TENM3: variants seen among roughly 807,000 people sequenced by gnomAD.
TENM3 encodes teneurin transmembrane protein 3, also known as teneurin-3.
Under a neutral mutation model 255.1 loss-of-function variants are expected in TENM3, and 63 were observed. That is an observed-to-expected ratio of 0.25 (90% CI 0.20 to 0.30). The LOEUF is 0.30. TENM3 is among the 10% of genes least tolerant of loss of function. TENM3 has a pLI of 1.00. For missense variants in TENM3, 2,929 were observed against 3,461.1 expected (o/e 0.85, Z 3.86); for synonymous variants, 1,306 against 1,322.3 (o/e 0.99, Z 0.27).
chr4:182,659,862 T>C (rs1214362125), intron 6 of TENM3, among the ~76,000 whole-genome samples: 1 of 152,158 alleles, frequency 6.6e-6, no homozygotes, highest in Non-Finnish European at 1.5e-5. Flanking sequence ...CACACCATAC[T>C]GCAATATAAA....
At chr4:181,755,148 C>T in the TENM3 span, among the ~76,000 whole-genome samples, 4 of 152,150 alleles carry the variant, frequency 2.6e-5, no homozygotes, top group Non-Finnish European at 5.9e-5. Context: ...ATCCTAGACA[C>T]TAGCCTGTGT....
chr4:182,314,321 G>A (rs1762627077), intron 1 of TENM3, among the ~76,000 whole-genome samples: 1 of 151,996 alleles, frequency 6.6e-6, no homozygotes, highest in Non-Finnish European at 1.5e-5. Context: ...AAAGAGGGCA[G>A]GGGCTACGTG....
chr4:182,404,446 A>G (rs1008908569), intron 3 of TENM3, among the ~76,000 whole-genome samples: 1 of 152,250 alleles, frequency 6.6e-6, no homozygotes, highest in Non-Finnish European at 1.5e-5. Flanking sequence ...AGCCATCAAT[A>G]AAGCTTGCCA....
chr4:181,716,029 A>T, the TENM3 span, among the ~76,000 whole-genome samples: 1 of 152,214 alleles, frequency 6.6e-6, no homozygotes, highest in African/African-American at 2.4e-5. Context: ...TTACATTTTT[A>T]AACTTGAAGA....
At chr4:182,151,941 T>C (rs1275840835) in intron 1 of TENM3, among the ~76,000 whole-genome samples, 1 of 152,040 alleles carries the variant, frequency 6.6e-6, no homozygotes, top group East Asian at 1.9e-4. Context: ...ATTTTGTCTC[T>C]TGATTGTCAC....
the TENM3 span, among the ~76,000 whole-genome samples, chr4:181,696,216 G>T: frequency 6.6e-6 from 1 of 152,098 alleles, no homozygotes; most frequent in South Asian, 2.1e-4. Flanking sequence ...AGTTTTATGT[G>T]CATATAATAG....
the TENM3 span, among the ~76,000 whole-genome samples, chr4:181,631,032 T>C: frequency 6.6e-6 from 1 of 152,274 alleles, no homozygotes; most frequent in South Asian, 2.1e-4. Context: ...GCGGTATCAA[T>C]AGGTTGAAAT....
chr4:181,805,431 C>A, the TENM3 span, among the ~76,000 whole-genome samples: 9 of 152,210 alleles, frequency 5.9e-5, no homozygotes, highest in East Asian at 1.5e-3. Flanking sequence ...TCTCGCAGAG[C>A]CCCCATTCTT....
chr4:181,946,480 C>T, the TENM3 span, among the ~76,000 whole-genome samples: 3 of 152,180 alleles, frequency 2.0e-5, 1 homozygote, highest in African/African-American at 7.2e-5. Context: ...AAAGTGGCTC[C>T]CTACACCTCT....
the TENM3 span, among the ~76,000 whole-genome samples, chr4:181,677,871 A>G: frequency 6.6e-6 from 1 of 152,052 alleles, no homozygotes; most frequent in East Asian, 1.9e-4. Context: ...GCTTCTCCTT[A>G]CACAGGAATC....
At chr4:182,228,362 G>A (rs201940152) in intron 1 of TENM3, among the ~76,000 whole-genome samples, 3 of 67,652 alleles carry the variant, frequency 4.4e-5, no homozygotes, top group African/African-American at 5.2e-5. Context: ...AATGTAATGT[G>A]TGTGTGTGTG....
At chr4:181,882,051 T>C in the TENM3 span, among the ~76,000 whole-genome samples, 1 of 152,128 alleles carries the variant, frequency 6.6e-6, no homozygotes, top group South Asian at 2.1e-4. Flanking sequence ...AAGTGTAATT[T>C]CAAGTTAATT....
intron 24 of TENM3, among the ~76,000 whole-genome samples, chr4:182,778,890 A>G (rs1157710291): frequency 6.6e-6 from 1 of 150,668 alleles, no homozygotes; most frequent in East Asian, 1.9e-4. Context: ...TCACTTTTAG[A>G]TTGTTATTTA....
chr4:182,262,094 A>ATG (rs1758836274), intron 1 of TENM3, among the ~76,000 whole-genome samples: 2 of 152,198 alleles, frequency 1.3e-5, no homozygotes, highest in African/African-American at 4.8e-5. Context: ...CCGGATATGG[A>ATG]TGTGTGTGAA....
the TENM3 span, among the ~76,000 whole-genome samples, chr4:182,057,405 TTTC>T: frequency 6.8e-6 from 1 of 148,062 alleles, no homozygotes; most frequent in South Asian, 2.1e-4. Context: ...TTTCTTTTCT[TTTC>T]TTTTTTTTTT....
Position 182,601,179 on chromosome 4 carries a change from A to G in TENM3, c.749+18A>G, listed in dbSNP as rs758323854. On this transcript the variant is annotated intron_variant, in intron 4 of 27. Coordinates refer to ENST00000511685, the MANE Select transcript of TENM3 (RefSeq NM_001080477.4). ...GAAAGCAGGTAACATCTAAAATTTC[A>G]AAATAAGCTAGCCCAACCCTTTTCT... 1.9e-6 allele frequency: 3 copies of G among 1,598,396 alleles called. No homozygotes were observed. The African/African-American group carries it at 4.0e-5, about 21-fold the overall frequency.
chr4:181,607,814 C>A, the TENM3 span, among the ~76,000 whole-genome samples: 1 of 152,306 alleles, frequency 6.6e-6, no homozygotes, highest in East Asian at 1.9e-4. Flanking sequence ...AGCCAAATTG[C>A]TCTGCCAAAT....
chr4:181,575,513 A>C, the TENM3 span, among the ~76,000 whole-genome samples: 1 of 152,188 alleles, frequency 6.6e-6, no homozygotes, highest in Non-Finnish European at 1.5e-5. Context: ...CCAGTAAACT[A>C]TCTCTTCTAT....
At chr4:182,382,809 T>C (rs1767662886) in intron 3 of TENM3, among the ~76,000 whole-genome samples, 1 of 152,138 alleles carries the variant, frequency 6.6e-6, no homozygotes, top group Non-Finnish European at 1.5e-5. Flanking sequence ...TTATCACACA[T>C]ATAAAATGGT....
Sources: gnomAD v4.1 joint callset for allele counts (sites outside exome capture counted in the v4.1 genomes callset) on GRCh38, gnomAD v4.1.1 for gene constraint, MANE v1.5 for transcripts, NCBI Gene and HGNC (gene_info 2026-07-23, HGNC 2026-07-21) for gene names.